PTPRD: variants seen among roughly 807,000 people sequenced by gnomAD.
PTPRD encodes the protein protein tyrosine phosphatase receptor type D, also known as receptor-type tyrosine-protein phosphatase delta.
In PTPRD, 34 loss-of-function variants were observed where a neutral mutation model predicts 214.5. The observed-to-expected ratio is 0.16, with a 90% CI of 0.12 to 0.21. The LOEUF is 0.21. Among genes scored for constraint, PTPRD ranks in the 10% least tolerant of loss-of-function variants. PTPRD has a pLI of 1.00. For synonymous variants in PTPRD, 1,128 were observed against 845.7 expected, an observed-to-expected ratio of 1.33 and a Z score of -5.79; for missense variants, 2,545 against 2,398.7, an observed-to-expected ratio of 1.06 and a Z score of -1.27.
intron 14 of PTPRD, among the ~76,000 whole-genome samples, chr9:8,584,029 TTG>T (rs1298163132): frequency 5.9e-5 from 9 of 152,072 alleles, no homozygotes; most frequent in Non-Finnish European, 1.3e-4. Flanking sequence ...TGGTGTGTAC[TTG>T]TAGTCTCTGC....
intron 8 of PTPRD, among the ~76,000 whole-genome samples, chr9:9,556,045 G>T (rs1049261801): frequency 6.6e-6 from 1 of 152,044 alleles, no homozygotes; most frequent in African/African-American, 2.4e-5. Flanking sequence ...AAATCTTTGT[G>T]TAACTTTTGA....
Position 9,995,242 on chromosome 9 carries a change from T to C in PTPRD, c.-472+38476A>G, listed in dbSNP as rs147505545. 4.9e-3 allele frequency among the ~76,000 whole-genome samples: 749 copies of C among 152,258 alleles called. 6 individuals carry two copies. Among genetic ancestry groups the C allele is most frequent in the Middle Eastern group, 0.014 (4 of 294 alleles). On this transcript the variant is annotated intron_variant, in intron 4 of 45. Transcript: ENST00000381196. ...GTTTGGCAGCATACTTCACTTTTCTTTAGGTAAAATAGGGCTTTTATAGCA... is the reference window on the plus strand; with the variant it reads ...GTTTGGCAGCATACTTCACTTTTCTCTAGGTAAAATAGGGCTTTTATAGCA...
At chr9:8,440,898 C>T (rs1409695394) in intron 34 of PTPRD, among the ~76,000 whole-genome samples, 2 of 152,136 alleles carry the variant, frequency 1.3e-5, no homozygotes, top group South Asian at 2.1e-4. Context: ...TACAAGAGGA[C>T]TCAAATCCAG....
chr9:8,360,055 A>G (rs2078083393), intron 39 of PTPRD, among the ~76,000 whole-genome samples: 1 of 152,252 alleles, frequency 6.6e-6, no homozygotes, highest in Admixed American at 6.5e-5. Context: ...TTATTCCAAA[A>G]ATAATCAGTC....
intron 3 of PTPRD, among the ~76,000 whole-genome samples, chr9:10,252,429 C>T (rs2092865670): frequency 6.6e-6 from 1 of 152,078 alleles, no homozygotes; most frequent in Admixed American, 6.6e-5. Flanking sequence ...AGCCAGCTGC[C>T]ATCATCAACT....
intron 2 of PTPRD, among the ~76,000 whole-genome samples, chr9:10,600,870 A>G (rs896171903): frequency 1.3e-5 from 2 of 151,806 alleles, no homozygotes; most frequent in African/African-American, 4.8e-5. Flanking sequence ...TGAAGAGAAA[A>G]TGCATATAAT....
At position 8,954,922 on chromosome 9, in the gene PTPRD, T is replaced by G. The variant is rs185597680; in HGVS notation, c.-104+63775A>C. Among the ~76,000 whole-genome samples the G allele has an allele frequency of 3.2e-3, 490 of 152,040 alleles. 3 individuals are homozygous for G. The highest frequency in any genetic ancestry group is 7.1e-3 in the Admixed American group (108 of 15,220). On this transcript the variant is annotated intron_variant, in intron 11 of 45. Transcript: ENST00000381196. ...TACCAAAGTTGGTTATCACTACAGA[T>G]GCAAAATATAGACAACCATGTTCTT...
At chr9:9,951,362 A>T (rs1006953713) in intron 4 of PTPRD, among the ~76,000 whole-genome samples, 1 of 152,216 alleles carries the variant, frequency 6.6e-6, no homozygotes, top group Admixed American at 6.5e-5. Context: ...CTAGGTTTTA[A>T]TTATGAAAGT....
chr9:8,417,186 A>G (rs1429912511), intron 35 of PTPRD, among the ~76,000 whole-genome samples: 1 of 152,132 alleles, frequency 6.6e-6, no homozygotes, highest in Non-Finnish European at 1.5e-5. Flanking sequence ...ATATATCGTT[A>G]GATTCTAACA....
intron 8 of PTPRD, among the ~76,000 whole-genome samples, chr9:9,451,278 G>A (rs566421255): frequency 2.6e-5 from 4 of 151,684 alleles, no homozygotes; most frequent in Non-Finnish European, 4.4e-5. Flanking sequence ...AAGGTTTAAA[G>A]AGAAATAAAC....
chr9:10,174,921 G>A (rs1369407625), intron 3 of PTPRD, among the ~76,000 whole-genome samples: 1 of 152,064 alleles, frequency 6.6e-6, no homozygotes, highest in Non-Finnish European at 1.5e-5. Context: ...ATGGTAATCA[G>A]TAAAATTAGT....
chr9:10,050,567 A>AAAAAAAAAAAAG, intron 3 of PTPRD, among the ~76,000 whole-genome samples: 1 of 143,062 alleles, frequency 7.0e-6, no homozygotes, highest in African/African-American at 2.7e-5. Context: ...CTCAAAAAAA[A>AAAAAAAAAAAAG]AAAAAAAAAA....
At position 9,947,288 on chromosome 9, in the gene PTPRD, G is replaced by C. The variant is rs139304398; in HGVS notation, c.-471-8678C>G. On this transcript the variant is annotated intron_variant, in intron 4 of 45. Coordinates refer to ENST00000381196, the MANE Select transcript of PTPRD (RefSeq NM_002839.4). ...CTAGTTATACTTAACATGTGCTCTG[G>C]AGATTATATATATATTTTATATATA... Among the ~76,000 whole-genome samples, 675 of 89,858 alleles carry C rather than the reference G, an allele frequency of 7.5e-3. 10 individuals carry two copies. The highest frequency in any genetic ancestry group is 0.03 in the African/African-American group (651 of 21,886). The allele number at this position is 89,858 out of a possible 152,430, so 59.0% of individuals were successfully genotyped here. A position where few individuals can be genotyped will look rare whatever the true frequency, so the allele number is the denominator to read the frequency against.
chr9:10,310,592 TA>T (rs1565206502), intron 3 of PTPRD, among the ~76,000 whole-genome samples: 1 of 152,060 alleles, frequency 6.6e-6, no homozygotes, highest in Non-Finnish European at 1.5e-5. Context: ...AATGTAATTT[TA>T]AAGGGAAAGG....
At chr9:9,422,859 A>C (rs13287572) in intron 8 of PTPRD, among the ~76,000 whole-genome samples, 10,760 of 152,222 alleles carry the variant, frequency 0.071, 542 homozygotes, top group Non-Finnish European at 0.11. Context: ...GAACCTAAAC[A>C]AACAAGGAGC....
intron 10 of PTPRD, among the ~76,000 whole-genome samples, chr9:9,121,939 T>C (rs1398804796): frequency 6.6e-6 from 1 of 152,204 alleles, no homozygotes; most frequent in Non-Finnish European, 1.5e-5. Context: ...AGTTTTGTAG[T>C]CTACAAGCCC....
At chr9:9,756,868 G>A (rs1408122) in intron 6 of PTPRD, among the ~76,000 whole-genome samples, 26,561 of 152,092 alleles carry the variant, frequency 0.17, 3,547 homozygotes, top group East Asian at 0.38. Context: ...GAACATTAGT[G>A]ACTTTCTACT....
intron 2 of PTPRD, among the ~76,000 whole-genome samples, chr9:10,375,212 G>T (rs1279929221): frequency 6.6e-6 from 1 of 152,036 alleles, no homozygotes; most frequent in African/African-American, 2.4e-5. Flanking sequence ...GTAGAGGCTT[G>T]TACTTGCATT....
intron 8 of PTPRD, among the ~76,000 whole-genome samples, chr9:9,550,731 G>C (rs1255479091): frequency 6.6e-6 from 1 of 151,328 alleles, no homozygotes; most frequent in Non-Finnish European, 1.5e-5. Flanking sequence ...CAAAGGGCTA[G>C]TATAAAAAAT....
Sources: gnomAD v4.1 joint callset for allele counts (sites outside exome capture counted in the v4.1 genomes callset) on GRCh38, gnomAD v4.1.1 for gene constraint, MANE v1.5 for transcripts, NCBI Gene and HGNC (gene_info 2026-07-23, HGNC 2026-07-21) for gene names.